The following DMRT1 variants were observed in gnomAD, a reference collection of about 807,000 sequenced individuals.
DMRT1 encodes doublesex- and mab-3-related transcription factor 1.
Under a neutral mutation model 32.3 loss-of-function variants are expected in DMRT1, and 7 were observed. The observed-to-expected ratio is 0.22, with a 90% CI of 0.12 to 0.41. DMRT1 has a LOEUF of 0.41. Among genes scored for constraint, DMRT1 ranks in the 10% least tolerant of loss-of-function variants. The probability of loss-of-function intolerance (pLI) is 1.00; values close to 1 mark genes in which losing one functional copy is unlikely to be tolerated. For synonymous variants in DMRT1, 278 were observed against 206.1 expected, an observed-to-expected ratio of 1.35 and a Z score of -2.99; for missense variants, 625 against 500.5, an observed-to-expected ratio of 1.25 and a Z score of -2.37.
At chr9:890,083 G>GGGTTT (rs1273507545) in intron 2 of DMRT1, among the ~76,000 whole-genome samples, 6 of 108,886 alleles carry the variant, frequency 5.5e-5, no homozygotes, top group South Asian at 3.6e-4. Flanking sequence ...GCCACCAAAC[G>GGGTTT]TGTTTTTTTT....
intron 3 of DMRT1, among the ~76,000 whole-genome samples, chr9:915,027 A>G (rs949147455): frequency 7.2e-5 from 11 of 152,234 alleles, no homozygotes; most frequent in African/African-American, 2.7e-4. Context: ...TTCTTTTTCA[A>G]GTACCATTTA....
At chr9:927,414 G>A (rs1235819195) in intron 4 of DMRT1, among the ~76,000 whole-genome samples, 2 of 152,166 alleles carry the variant, frequency 1.3e-5, no homozygotes, top group African/African-American at 4.8e-5. Context: ...TTTGAAGCTC[G>A]TCAGCGGCCC....
intron 4 of DMRT1, among the ~76,000 whole-genome samples, chr9:959,913 G>A (rs1191093727): frequency 1.3e-5 from 2 of 152,224 alleles, no homozygotes; most frequent in Admixed American, 6.5e-5. Context: ...GTCTTGTGAA[G>A]GCTACATTCC....
chr9:913,940 T>G (rs1232064008), intron 3 of DMRT1, among the ~76,000 whole-genome samples: 1 of 152,028 alleles, frequency 6.6e-6, no homozygotes, highest in Non-Finnish European at 1.5e-5. Flanking sequence ...TTCTGAGAGG[T>G]ACTAAGTATG....
intron 2 of DMRT1, among the ~76,000 whole-genome samples, chr9:886,185 C>T (rs928954857): frequency 6.6e-6 from 1 of 152,152 alleles, no homozygotes; most frequent in Non-Finnish European, 1.5e-5. Context: ...GTAATTCATA[C>T]TCAGATCAAG....
intron 1 of DMRT1, among the ~76,000 whole-genome samples, chr9:843,861 C>A (rs1838794190): frequency 6.6e-6 from 1 of 152,036 alleles, no homozygotes; most frequent in African/African-American, 2.4e-5. Flanking sequence ...TCACAGATGG[C>A]GAGTGCAGTC....
At chr9:847,206 C>A in intron 2 of DMRT1, 63 bp downstream of exon 2, 1 of 1,554,656 alleles carries the variant, frequency 6.4e-7, no homozygotes, top group Non-Finnish European at 8.8e-7. Context: ...AGGGTTGCAG[C>A]CACAGAAGCA....
intron 4 of DMRT1, among the ~76,000 whole-genome samples, chr9:932,887 A>T (rs1818771283): frequency 6.6e-6 from 1 of 151,918 alleles, no homozygotes; most frequent in African/African-American, 2.4e-5. Context: ...GGGGCGCGGT[A>T]TCTCCGTGCT....
chr9:892,739 C>T (rs1471167304), intron 2 of DMRT1, among the ~76,000 whole-genome samples: 2 of 152,180 alleles, frequency 1.3e-5, no homozygotes, highest in Non-Finnish European at 2.9e-5. Context: ...GTTCCCATTA[C>T]ATCCCAGAGT....
intron 4 of DMRT1, among the ~76,000 whole-genome samples, chr9:946,356 G>T (rs1422991163): frequency 6.6e-6 from 1 of 152,142 alleles, no homozygotes; most frequent in African/African-American, 2.4e-5. Flanking sequence ...GATGGGAAAT[G>T]GAGTCTAGTG....
At chr9:852,139 G>T (rs545823129) in intron 2 of DMRT1, among the ~76,000 whole-genome samples, 1 of 151,958 alleles carries the variant, frequency 6.6e-6, no homozygotes, top group Admixed American at 6.6e-5. Flanking sequence ...GTTTCACCAT[G>T]TTGGCCACGC....
At chr9:847,185 A>T (rs1463015424) in intron 2 of DMRT1, 42 bp downstream of exon 2, 7 of 1,600,042 alleles carry the variant, frequency 4.4e-6, no homozygotes, top group Non-Finnish European at 6.0e-6. Context: ...GCTGGGCATG[A>T]GGGAGGCCGA....
At chr9:894,788 T>A (rs1256243924) in intron 3 of DMRT1, 2 of 157,176 alleles carry the variant, frequency 1.3e-5, no homozygotes, top group Non-Finnish European at 2.7e-5. Context: ...ATTCTCCAAG[T>A]TTGTTTTTTT....
At chr9:884,110 G>T (rs898271385) in intron 2 of DMRT1, among the ~76,000 whole-genome samples, 2 of 152,076 alleles carry the variant, frequency 1.3e-5, no homozygotes, top group Non-Finnish European at 2.9e-5. Context: ...GTGATGTTTG[G>T]TTTTTTCATG....
intron 2 of DMRT1, among the ~76,000 whole-genome samples, chr9:886,223 C>T (rs1055331184): frequency 3.3e-5 from 5 of 152,164 alleles, no homozygotes; most frequent in African/African-American, 9.7e-5. Flanking sequence ...GTGCATTCAG[C>T]TCAGGTTCAT....
At chr9:877,332 A>C (rs1816545584) in intron 2 of DMRT1, among the ~76,000 whole-genome samples, 1 of 151,998 alleles carries the variant, frequency 6.6e-6, no homozygotes, top group African/African-American at 2.4e-5. Flanking sequence ...GGTATGTCTC[A>C]CCCCCCTGGA....
At chr9:884,452 A>G (rs2132635555) in intron 2 of DMRT1, among the ~76,000 whole-genome samples, 1 of 152,278 alleles carries the variant, frequency 6.6e-6, no homozygotes, top group South Asian at 2.1e-4. Context: ...GTAGCCATGA[A>G]CATGAGTATT....
chr9:930,798 C>A (rs1172398808), intron 4 of DMRT1, among the ~76,000 whole-genome samples: 1 of 152,158 alleles, frequency 6.6e-6, no homozygotes, highest in African/African-American at 2.4e-5. Flanking sequence ...TTTCAGCCTC[C>A]AAAAGCACTT....
intron 2 of DMRT1, among the ~76,000 whole-genome samples, chr9:856,905 G>C (rs781470828): frequency 6.6e-6 from 1 of 152,214 alleles, no homozygotes; most frequent in Non-Finnish European, 1.5e-5. Flanking sequence ...AAGTTACAAG[G>C]GAAGATGCCT....
Sources: gnomAD v4.1 joint callset for allele counts (sites outside exome capture counted in the v4.1 genomes callset) on GRCh38, gnomAD v4.1.1 for gene constraint, MANE v1.5 for transcripts, NCBI Gene and HGNC (gene_info 2026-07-23, HGNC 2026-07-21) for gene names.